Variants in PARK7 observed in about 807,000 individuals in gnomAD.
PARK7 encodes Parkinsonism associated deglycase.
Under a neutral mutation model 20.5 loss-of-function variants are expected in PARK7, and 14 were observed. The observed-to-expected ratio is 0.68, with a 90% CI of 0.45 to 1.07. PARK7 has a LOEUF of 1.07. Among genes scored for constraint, PARK7 ranks in the 50% least tolerant of loss-of-function variants. The probability of loss-of-function intolerance (pLI) is 0.00; values close to 1 mark genes in which losing one functional copy is unlikely to be tolerated. For missense variants in PARK7, 234 were observed against 238.1 expected (o/e 0.98, Z 0.11); for synonymous variants, 98 against 84.3 (o/e 1.16, Z -0.89).
At chr1:7,983,057 CTG>C (rs1303222578) in intron 6 of PARK7, 3 of 152,208 alleles carry the variant, frequency 2.0e-5, no homozygotes, top group African/African-American at 7.2e-5. Context: ...GAAATGAACA[CTG>C]TGTGGTTTCA....
At chr1:7,978,251 C>T (rs1020724819) in intron 6 of PARK7, among the ~76,000 whole-genome samples, 3 of 151,938 alleles carry the variant, frequency 2.0e-5, no homozygotes, top group Non-Finnish European at 4.4e-5. Context: ...CCGCCTCAGC[C>T]TCTGAAAGTG....
intron 5 of PARK7, among the ~76,000 whole-genome samples, chr1:7,972,638 G>A (rs891045613): frequency 3.3e-5 from 5 of 152,052 alleles, no homozygotes; most frequent in African/African-American, 1.2e-4. Flanking sequence ...GCACAGTGGC[G>A]CATGCCTGTA....
Position 7,961,728 on chromosome 1 carries a change from G to C in PARK7, c.-89G>C, listed in dbSNP as rs1470041552. On this transcript the variant is annotated 5_prime_UTR_variant, in exon 1 of 7. Transcript: ENST00000338639. ...GCTGGCGTGCGTTCATTTTCAGCCTGGTGTGGGGTGAGTGGTACCCAACGG... is the reference window on the plus strand; with the variant it reads ...GCTGGCGTGCGTTCATTTTCAGCCTCGTGTGGGGTGAGTGGTACCCAACGG... 1 of 153,350 alleles carries C rather than the reference G, an allele frequency of 6.5e-6. No individual in the cohort carries two copies. Among genetic ancestry groups the C allele is most frequent in the Non-Finnish European group, 1.5e-5 (1 of 68,852 alleles). 9.5% of individuals were successfully genotyped at this position (153,350 alleles called of 1,614,324 possible). A position where few individuals can be genotyped will look rare whatever the true frequency, so the allele number is the denominator to read the frequency against.
intron 4 of PARK7, among the ~76,000 whole-genome samples, chr1:7,970,396 A>C: frequency 6.6e-6 from 1 of 152,234 alleles, no homozygotes; most frequent in East Asian, 1.9e-4. Flanking sequence ...GGCTGCCAGC[A>C]GGAATGGCAA....
intron 2 of PARK7, among the ~76,000 whole-genome samples, chr1:7,964,432 G>A (rs895279120): frequency 1.3e-5 from 2 of 152,176 alleles, no homozygotes; most frequent in Non-Finnish European, 2.9e-5. Context: ...TCTCAGAAAT[G>A]AAGATACATG....
At chr1:7,975,048 G>A (rs966571543) in intron 5 of PARK7, among the ~76,000 whole-genome samples, 1 of 151,870 alleles carries the variant, frequency 6.6e-6, no homozygotes, top group African/African-American at 2.4e-5. Context: ...TAGAGACGGG[G>A]TTTCACCATG....
intron 5 of PARK7, among the ~76,000 whole-genome samples, chr1:7,975,265 A>G (rs1448185661): frequency 6.6e-6 from 1 of 152,200 alleles, no homozygotes; most frequent in African/African-American, 2.4e-5. Flanking sequence ...AAGGGAGTCT[A>G]TGTTGAGAAG....
Position 7,975,320 on chromosome 1 carries a change from G to GTGGA in PARK7, c.323-2331_323-2328dup, listed in dbSNP as rs1640555588. ...TTTGAGTAGGGGAGGGGGAGGAAGT[G>GTGGA]TGGAGTTGGAGGAGTGGACAGTTGT... On this transcript the variant is annotated intron_variant, in intron 5 of 6. Coordinates refer to ENST00000338639, the MANE Select transcript of PARK7 (RefSeq NM_007262.5). Among the ~76,000 whole-genome samples the GTGGA allele has an allele frequency of 3.3e-5, 5 of 152,296 alleles. No homozygotes were observed. The South Asian group carries it at 1.0e-3, about 32-fold the overall frequency.
intron 3 of PARK7, among the ~76,000 whole-genome samples, chr1:7,967,108 A>G (rs1640346718): frequency 6.6e-6 from 1 of 151,864 alleles, no homozygotes; most frequent in East Asian, 1.9e-4. Context: ...TCTGTCCTAC[A>G]TTATGCTTCT....
At chr1:7,970,753 A>G (rs976272832) in intron 4 of PARK7, 141 bp from the exon 5 acceptor site, 21 of 794,202 alleles carry the variant, frequency 2.6e-5, no homozygotes, top group Non-Finnish European at 4.5e-5. Flanking sequence ...TTTTTATACC[A>G]ATGATTTAGA....
At chr1:7,974,624 A>C (rs1354118696) in intron 5 of PARK7, among the ~76,000 whole-genome samples, 1 of 150,562 alleles carries the variant, frequency 6.6e-6, no homozygotes, top group Non-Finnish European at 1.5e-5. Context: ...GTGAGACTCC[A>C]TCTCAAAAAA....
chr1:7,985,343 A>C lies in PARK7; in HGVS notation c.*289A>C, dbSNP rs1640798097. The C allele has an allele frequency of 1.2e-5, 5 of 418,562 alleles. 1 individual carries two copies. Among genetic ancestry groups the C allele is most frequent in the South Asian group, 1.1e-4 (5 of 47,102 alleles). 25.9% of individuals were successfully genotyped at this position (418,562 alleles called of 1,614,324 possible). A position where few individuals can be genotyped will look rare whatever the true frequency, so the allele number is the denominator to read the frequency against. On this transcript the variant is annotated 3_prime_UTR_variant, in exon 7 of 7. Coordinates refer to ENST00000338639, the MANE Select transcript of PARK7 (RefSeq NM_007262.5). Reference sequence around the variant, plus strand: ...TGAAATTAAATTCCGTATCACCTTCATTTGCAGCTCTTAACTGTCCATATG... The same window carrying C: ...TGAAATTAAATTCCGTATCACCTTCCTTTGCAGCTCTTAACTGTCCATATG...
intron 6 of PARK7, among the ~76,000 whole-genome samples, chr1:7,978,845 A>G (rs1178341310): frequency 2.4e-5 from 1 of 42,284 alleles, no homozygotes; most frequent in Non-Finnish European, 4.5e-5. Flanking sequence ...AGACCCTATC[A>G]AAAAAAAAAA....
intron 4 of PARK7, among the ~76,000 whole-genome samples, chr1:7,969,741 T>A (rs185174116): frequency 0.027 from 4,045 of 152,190 alleles, 74 homozygotes; most frequent in Non-Finnish European, 0.038. Context: ...CCCCATGCCC[T>A]GCTAATTTTT....
chr1:7,962,672 T>A (rs1329679751), intron 1 of PARK7, 91 bp from the exon 2 acceptor site: 2 of 772,574 alleles, frequency 2.6e-6, no homozygotes, highest in East Asian at 2.7e-5. Context: ...GTACTTACTC[T>A]GCTTGAAAAT....
chr1:7,967,242 A>C (rs922627262), intron 3 of PARK7, among the ~76,000 whole-genome samples: 3 of 152,216 alleles, frequency 2.0e-5, no homozygotes, highest in Non-Finnish European at 4.4e-5. Context: ...CACAAATGAC[A>C]AGATTTCATT....
chr1:7,980,032 G>C (rs377605677), intron 6 of PARK7, among the ~76,000 whole-genome samples: 1 of 151,880 alleles, frequency 6.6e-6, no homozygotes, highest in Non-Finnish European at 1.5e-5. Flanking sequence ...GTGGTGGCGG[G>C]CACCTGTAGT....
Position 7,977,715 on chromosome 1 carries a change from C to A in PARK7, c.386C>A (p.Ala129Asp). 6.2e-7 allele frequency: 1 copy of A among 1,614,028 alleles called. No homozygotes were observed. Among genetic ancestry groups the A allele is most frequent in the Non-Finnish European group, 8.5e-7 (1 of 1,179,920 alleles). ...AGTAAAGTTACAACACACCCTCTTG[C>A]TAAAGACAAAATGATGAATGGAGGT... is the stretch of plus-strand genomic sequence containing the variant. Reference protein sequence around the residue: ...FGSKVTTHPLAKDKMMNGGHY... With the variant: ...FGSKVTTHPLDKDKMMNGGHY... The change falls in exon 6 of 7, where the codon GCT (alanine) becomes GAT (aspartate). Residue 129 changes from alanine (A) to aspartate (D), a missense_variant. Transcript: ENST00000338639.
intron 1 of PARK7, 144 bp from the exon 2 acceptor site, chr1:7,962,618 CT>C: frequency 1.6e-6 from 1 of 608,220 alleles, no homozygotes; most frequent in South Asian, 1.9e-5. Context: ...TAAACTGCTG[CT>C]TTTTTCGTAT....
Sources: gnomAD v4.1 joint callset for allele counts (sites outside exome capture counted in the v4.1 genomes callset) on GRCh38, gnomAD v4.1.1 for gene constraint, MANE v1.5 for transcripts, NCBI Gene and HGNC (gene_info 2026-07-23, HGNC 2026-07-21) for gene names.